The following PTPRT variants were observed in gnomAD, a reference collection of about 807,000 sequenced individuals.
The protein encoded by PTPRT is receptor-type tyrosine-protein phosphatase T.
In PTPRT, 56 loss-of-function variants were observed where a neutral mutation model predicts 176.8. That is an observed-to-expected ratio of 0.32 (90% CI 0.26 to 0.40). PTPRT has a LOEUF of 0.40. Ranked by LOEUF, PTPRT falls within the 10% of genes least tolerant of loss-of-function variation. The pLI is 1.00. For missense variants in PTPRT, 1,540 were observed against 1,908.2 expected, an observed-to-expected ratio of 0.81 and a Z score of 3.60; for synonymous variants, 783 against 739.0, an observed-to-expected ratio of 1.06 and a Z score of -0.96.
intron 2 of PTPRT, among the ~76,000 whole-genome samples, chr20:42,874,221 A>G (rs1463474598): frequency 6.6e-6 from 1 of 152,068 alleles, no homozygotes; most frequent in Non-Finnish European, 1.5e-5. Context: ...ATCTTGAAGA[A>G]CGTCATCTCT....
intron 26 of PTPRT, among the ~76,000 whole-genome samples, chr20:42,099,540 C>T (rs1053765115): frequency 1.6e-4 from 3 of 18,662 alleles, no homozygotes. Flanking sequence ...GAGAAAATGG[C>T]CTGGGCGGGG....
chr20:43,129,500 C>A (rs961554756), intron 1 of PTPRT, among the ~76,000 whole-genome samples: 7 of 151,866 alleles, frequency 4.6e-5, no homozygotes, highest in African/African-American at 1.7e-4. Context: ...AAAAAAGTGA[C>A]TGATGTGTGA....
At chr20:42,984,822 T>C (rs540736786) in intron 1 of PTPRT, among the ~76,000 whole-genome samples, 1 of 151,174 alleles carries the variant, frequency 6.6e-6, no homozygotes, top group South Asian at 2.1e-4. Flanking sequence ...GAACAAAGAG[T>C]TCAAGAAAGA....
At chr20:42,351,136 A>G (rs1368330568) in intron 10 of PTPRT, among the ~76,000 whole-genome samples, 2 of 150,228 alleles carry the variant, frequency 1.3e-5, no homozygotes, top group South Asian at 2.1e-4. Flanking sequence ...CCTTCATGAG[A>G]CCTCCCTTCC....
At chr20:43,137,786 G>A (rs957446503) in intron 1 of PTPRT, among the ~76,000 whole-genome samples, 9 of 152,116 alleles carry the variant, frequency 5.9e-5, no homozygotes, top group East Asian at 1.9e-4. Flanking sequence ...ACACACGCGC[G>A]TACACACACA....
intron 1 of PTPRT, among the ~76,000 whole-genome samples, chr20:42,948,789 A>C (rs576662821): frequency 6.6e-6 from 1 of 152,212 alleles, no homozygotes; most frequent in Non-Finnish European, 1.5e-5. Context: ...GTTGGAGTCT[A>C]TCATGGATAA....
intron 1 of PTPRT, among the ~76,000 whole-genome samples, chr20:42,999,136 C>T (rs946109694): frequency 2.6e-5 from 4 of 152,068 alleles, no homozygotes; most frequent in African/African-American, 2.4e-5. Flanking sequence ...TACTGTGCAG[C>T]CATTAAAATT....
intron 2 of PTPRT, among the ~76,000 whole-genome samples, chr20:42,874,227 T>A (rs753264310): frequency 1.3e-5 from 2 of 152,150 alleles, no homozygotes; most frequent in African/African-American, 2.4e-5. Flanking sequence ...AAGAACGTCA[T>A]CTCTGTGGTC....
rs150237012 is a variant in PTPRT, at chr20:42,875,739, C to G, written c.214+10068G>C. On this transcript the variant is annotated intron_variant, in intron 2 of 30. Coordinates refer to ENST00000373187, the MANE Select transcript of PTPRT (RefSeq NM_007050.6). ...TGGGAGCTATGATTCTATTCACTGT[C>G]TACACTCCTAAGTGGCCACAGTGCA... Among the ~76,000 whole-genome samples, 42 of 152,270 alleles carry G rather than the reference C, an allele frequency of 2.8e-4. No homozygotes were observed. The East Asian group carries it at 7.9e-3, about 29-fold the overall frequency.
intron 16 of PTPRT, among the ~76,000 whole-genome samples, chr20:42,183,863 C>G (rs1339863626): frequency 6.6e-6 from 1 of 152,156 alleles, no homozygotes; most frequent in Non-Finnish European, 1.5e-5. Flanking sequence ...TTTCTCCTGG[C>G]TTTCTCAAAC....
rs2058296270 is a variant in PTPRT, at chr20:42,352,291, G to A, written c.1561-6C>T. On this transcript the variant is annotated splice_polypyrimidine_tract_variant and splice_region_variant and intron_variant, in intron 9 of 30. Coordinates refer to ENST00000373187, the MANE Select transcript of PTPRT (RefSeq NM_007050.6). Reference sequence around the variant, plus strand: ...CCGACAGCCTTGTAGTTGATCTGTAGGACAAGCCAGCAAACAAACAAACAA... The same window carrying A: ...CCGACAGCCTTGTAGTTGATCTGTAAGACAAGCCAGCAAACAAACAAACAA... The A allele has an allele frequency of 1.2e-6, 2 of 1,613,954 alleles. No homozygotes were observed. The highest frequency in any genetic ancestry group is 1.7e-6 in the Non-Finnish European group (2 of 1,179,896).
At chr20:43,089,505 C>G (rs1401626212) in intron 1 of PTPRT, among the ~76,000 whole-genome samples, 1 of 152,158 alleles carries the variant, frequency 6.6e-6, no homozygotes, top group African/African-American at 2.4e-5. Flanking sequence ...CACTTCTTCC[C>G]AAAACTCACT....
chr20:42,305,777 G>T (rs1301080827), intron 12 of PTPRT, among the ~76,000 whole-genome samples: 3 of 152,166 alleles, frequency 2.0e-5, no homozygotes, highest in Non-Finnish European at 4.4e-5. Flanking sequence ...CTGAGGTTTG[G>T]CAGGCAAGTA....
At chr20:42,510,130 T>G (rs1178987856) in intron 7 of PTPRT, among the ~76,000 whole-genome samples, 1 of 152,110 alleles carries the variant, frequency 6.6e-6, no homozygotes. Context: ...TAATTTGGTT[T>G]TATGAAGCCC....
intron 7 of PTPRT, among the ~76,000 whole-genome samples, chr20:42,518,193 G>A (rs1163195472): frequency 6.6e-6 from 1 of 151,892 alleles, no homozygotes. Flanking sequence ...TTTATCTCTG[G>A]TAATGCAAAC....
chr20:43,150,182 C>T (rs867605880), intron 1 of PTPRT, among the ~76,000 whole-genome samples: 3 of 152,168 alleles, frequency 2.0e-5, no homozygotes, highest in African/African-American at 7.2e-5. Flanking sequence ...TGGCAGCAAC[C>T]GGCTGGAGCC....
chr20:43,018,547 T>C (rs1363591565), intron 1 of PTPRT, among the ~76,000 whole-genome samples: 1 of 152,158 alleles, frequency 6.6e-6, no homozygotes, highest in African/African-American at 2.4e-5. Flanking sequence ...AAAGACATCG[T>C]AAACAAGATT....
chr20:42,388,538 C>T (rs1446358369), intron 9 of PTPRT, among the ~76,000 whole-genome samples: 2 of 152,208 alleles, frequency 1.3e-5, no homozygotes, highest in East Asian at 3.8e-4. Flanking sequence ...CTCATCATCA[C>T]TGGCCATCAG....
At chr20:43,159,208 G>A (rs2014615075) in intron 1 of PTPRT, among the ~76,000 whole-genome samples, 2 of 152,194 alleles carry the variant, frequency 1.3e-5, no homozygotes, top group Admixed American at 6.5e-5. Flanking sequence ...TCTCCCACCT[G>A]AGGGGTGAGG....
Sources: gnomAD v4.1 joint callset for allele counts (sites outside exome capture counted in the v4.1 genomes callset) on GRCh38, gnomAD v4.1.1 for gene constraint, MANE v1.5 for transcripts, NCBI Gene and HGNC (gene_info 2026-07-23, HGNC 2026-07-21) for gene names.